PEX14: variants seen among roughly 807,000 people sequenced by gnomAD.
The protein encoded by PEX14 is peroxisomal membrane protein PEX14.
A neutral mutation model predicts 49.5 loss-of-function variants in PEX14; 15 were observed. The ratio of observed to expected loss-of-function variants is 0.30; its 90% CI spans 0.20 to 0.47. The LOEUF is 0.47. Among genes scored for constraint, PEX14 ranks in the 20% least tolerant of loss-of-function variants. The pLI, the probability that PEX14 is intolerant of heterozygous loss-of-function variation, is 1.00. For missense variants in PEX14, 398 were observed against 494.8 expected, an observed-to-expected ratio of 0.80 and a Z score of 1.86; for synonymous variants, 210 against 212.7, an observed-to-expected ratio of 0.99 and a Z score of 0.11.
chr1:10,535,063 A>G (rs905782739), intron 2 of PEX14, among the ~76,000 whole-genome samples: 3 of 152,126 alleles, frequency 2.0e-5, no homozygotes, highest in Non-Finnish European at 4.4e-5. Flanking sequence ...AGCCTTAGAA[A>G]TTTTTTCTTT....
At chr1:10,607,102 T>C (rs1175162493) in intron 4 of PEX14, among the ~76,000 whole-genome samples, 2 of 152,184 alleles carry the variant, frequency 1.3e-5, no homozygotes, top group Non-Finnish European at 2.9e-5. Context: ...TCCTAGAGTT[T>C]TTTTTCTTTT....
Position 10,530,314 on chromosome 1 carries a change from G to GT in PEX14, c.85-5898dup, listed in dbSNP as rs201259636. On this transcript the variant is annotated intron_variant, in intron 2 of 8. Transcript: ENST00000356607. ...GCCCGTGATATGTAAATGCCAACTA[G>GT]TAATTACCTAAAACCTCAATTTTCA... is the stretch of plus-strand genomic sequence containing the variant. 4.8e-3 allele frequency among the ~76,000 whole-genome samples: 727 copies of GT among 152,350 alleles called. 11 individuals are homozygous for GT. Among genetic ancestry groups the GT allele is most frequent in the African/African-American group, 0.017 (693 of 41,582 alleles).
intron 2 of PEX14, among the ~76,000 whole-genome samples, chr1:10,518,563 A>ACT (rs1642011711): frequency 6.6e-6 from 1 of 152,214 alleles, no homozygotes; most frequent in Admixed American, 6.5e-5. Context: ...GAACCCTTAC[A>ACT]CTGTAGAATA....
chr1:10,478,885 A>G (rs1200152587), intron 1 of PEX14, among the ~76,000 whole-genome samples: 1 of 151,652 alleles, frequency 6.6e-6, no homozygotes, highest in East Asian at 1.9e-4. Flanking sequence ...AGCTGGGACT[A>G]CAGGCACCTG....
chr1:10,557,867 T>C (rs12402967), intron 3 of PEX14, among the ~76,000 whole-genome samples: 26,932 of 151,746 alleles, frequency 0.18, 2,930 homozygotes, highest in Non-Finnish European at 0.25. Flanking sequence ...TTAGTTTTCT[T>C]TTATGGAATT....
At chr1:10,499,937 T>C (rs1489693264) in intron 2 of PEX14, among the ~76,000 whole-genome samples, 1 of 152,206 alleles carries the variant, frequency 6.6e-6, no homozygotes, top group Admixed American at 6.5e-5. Context: ...GAGGCTCAGA[T>C]GGAACCTTGT....
At chr1:10,584,548 A>G (rs1158142696) in intron 3 of PEX14, among the ~76,000 whole-genome samples, 2 of 152,222 alleles carry the variant, frequency 1.3e-5, no homozygotes, top group African/African-American at 2.4e-5. Flanking sequence ...CAGTTCAGGG[A>G]AAGTAATCAT....
chr1:10,482,409 C>T (rs926848159), intron 1 of PEX14, among the ~76,000 whole-genome samples: 1 of 150,362 alleles, frequency 6.7e-6, no homozygotes, highest in African/African-American at 2.5e-5. Context: ...GGATTATAGG[C>T]GTGAGCCCCT....
chr1:10,489,433 T>G (rs868801273), intron 1 of PEX14, among the ~76,000 whole-genome samples: 4 of 152,308 alleles, frequency 2.6e-5, no homozygotes, highest in Non-Finnish European at 4.4e-5. Context: ...GTTTTTTAGC[T>G]TTGTTAGAGT....
At chr1:10,600,041 C>G (rs1640938509) in intron 4 of PEX14, among the ~76,000 whole-genome samples, 1 of 152,196 alleles carries the variant, frequency 6.6e-6, no homozygotes, top group Admixed American at 6.5e-5. Context: ...CAGAAGCCCT[C>G]CTTGAAATCA....
At chr1:10,517,321 T>C (rs1450275878) in intron 2 of PEX14, among the ~76,000 whole-genome samples, 1 of 152,176 alleles carries the variant, frequency 6.6e-6, no homozygotes, top group Admixed American at 6.5e-5. Flanking sequence ...CAACTCCCTC[T>C]CCTATTGGGG....
In PEX14 at chr1:10,555,665, G is replaced by GTGTGTGCA. The variant is rs1553189664; in HGVS notation, c.169+19370_169+19371insTGTGCATG. Among the ~76,000 whole-genome samples, 7 of 151,804 alleles carry GTGTGTGCA rather than the reference G, an allele frequency of 4.6e-5. No individual in the cohort carries two copies. In the South Asian group the frequency reaches 1.3e-3, roughly 27 times the overall value. ...TGAGTGTGTGTGTGTGTGTGTGTGT[G>GTGTGTGCA]TGCATGCACCCGTGAGGGTGAGGGG... On this transcript the variant is annotated intron_variant, in intron 3 of 8. Transcript: ENST00000356607.
At chr1:10,507,006 A>G (rs1185294982) in intron 2 of PEX14, among the ~76,000 whole-genome samples, 2 of 152,234 alleles carry the variant, frequency 1.3e-5, no homozygotes, top group Non-Finnish European at 2.9e-5. Context: ...TTAACCGAAC[A>G]ATTACTAGCT....
chr1:10,509,895 A>G (rs1641853448), intron 2 of PEX14, among the ~76,000 whole-genome samples: 1 of 152,104 alleles, frequency 6.6e-6, no homozygotes, highest in African/African-American at 2.4e-5. Flanking sequence ...GTATAATACA[A>G]TGTATTTTCG....
At chr1:10,559,017 G>A (rs1343288801) in intron 3 of PEX14, among the ~76,000 whole-genome samples, 2 of 152,044 alleles carry the variant, frequency 1.3e-5, no homozygotes, top group Non-Finnish European at 2.9e-5. Context: ...TGATTTCTGT[G>A]TTTTTAGAAT....
chr1:10,565,743 A>G (rs1014836714), intron 3 of PEX14, among the ~76,000 whole-genome samples: 1 of 152,206 alleles, frequency 6.6e-6, no homozygotes, highest in African/African-American at 2.4e-5. Context: ...ACTGAGTGCA[A>G]TGGCTTGAGC....
intron 2 of PEX14, among the ~76,000 whole-genome samples, chr1:10,515,470 T>C (rs1305156384): frequency 6.6e-6 from 1 of 152,154 alleles, no homozygotes; most frequent in Non-Finnish European, 1.5e-5. Context: ...CCAGGATCGA[T>C]GGGTGATTTC....
intron 2 of PEX14, among the ~76,000 whole-genome samples, chr1:10,511,964 T>G (rs1641890971): frequency 6.6e-6 from 1 of 152,122 alleles, no homozygotes; most frequent in Non-Finnish European, 1.5e-5. Flanking sequence ...TGAGTCTAAA[T>G]ATATATATTT....
At position 10,548,726 on chromosome 1, in the gene PEX14, G is replaced by A. The variant is rs545897007; in HGVS notation, c.169+12429G>A. On this transcript the variant is annotated intron_variant, in intron 3 of 8. Transcript: ENST00000356607. ...CATTCCACAGCTTGGTCTTCTTTCC[G>A]TTTTTGAAGTAAAGGTAACTCACTA... Among the ~76,000 whole-genome samples the A allele has an allele frequency of 2.4e-4, 37 of 152,210 alleles. No homozygotes were observed. The East Asian group carries it at 4.1e-3, about 17-fold the overall frequency.
Sources: allele counts gnomAD v4.1 joint callset (sites outside exome capture counted in the v4.1 genomes callset), GRCh38; gene constraint gnomAD v4.1.1; transcripts MANE v1.5; gene names NCBI Gene and HGNC (gene_info 2026-07-23, HGNC 2026-07-21).